The following SPEG variants were observed in gnomAD, a reference collection of about 807,000 sequenced individuals.
SPEG encodes striated muscle preferentially expressed protein kinase.
Under a neutral mutation model 300.4 loss-of-function variants are expected in SPEG, and 114 were observed. That is an observed-to-expected ratio of 0.38 (90% confidence interval 0.33 to 0.44). SPEG has a LOEUF of 0.44. Among genes scored for constraint, SPEG ranks in the 20% least tolerant of loss-of-function variants. The probability of loss-of-function intolerance (pLI) is 1.00; values close to 1 mark genes in which losing one functional copy is unlikely to be tolerated. For synonymous variants in SPEG, 1,964 were observed against 2,018.9 expected (o/e 0.97, Z 0.73); for missense variants, 4,201 against 4,586.2 (o/e 0.92, Z 2.43).
Position 219,485,049 on chromosome 2 carries a change from C to A in SPEG, c.7586C>A (p.Ala2529Asp), listed in dbSNP as rs1263144862. 12 of 1,532,408 alleles carry A rather than the reference C, an allele frequency of 7.8e-6. 1 individual carries two copies. The Admixed American group carries it at 2.2e-4, about 28-fold the overall frequency. The allele number at this position is 1,532,408 out of a possible 1,614,324, so 94.9% of individuals were successfully genotyped here. A position where few individuals can be genotyped will look rare whatever the true frequency, so the allele number is the denominator to read the frequency against. The change falls in exon 30 of 41, where the codon GCC (alanine) becomes GAC (aspartate). Residue 2529 changes from alanine (A) to aspartate (D), a missense_variant. Ala to Asp is a moderately radical substitution (Grantham distance 126). Transcript: ENST00000312358. The stretch of plus-strand genomic sequence containing the variant: ...TCCGCCGAGTCCCTGGGCTCCGAGG[C>A]CAGCGCCACGTCGGGCTCCTCAGGT... ...TPSAESLGSE[A>D]SATSGSSAPG...
At chr2:219,442,106 G>A (rs886771099) in intron 1 of SPEG, 32 of 1,187,422 alleles carry the variant, frequency 2.7e-5, no homozygotes, top group Non-Finnish European at 3.2e-5. Context: ...GGGGCGGGCG[G>A]CGCCGGGAGG....
At chr2:219,478,858 G>A (rs899560466) in intron 22 of SPEG, among the ~76,000 whole-genome samples, 9 of 152,316 alleles carry the variant, frequency 5.9e-5, no homozygotes, top group Non-Finnish European at 1.0e-4. Context: ...GAAAGGAAAT[G>A]TTATTCCCAT....
In SPEG at chr2:219,484,961, A is replaced by G. The variant is rs773696931; in HGVS notation, c.7498A>G (p.Ser2500Gly). The change falls in exon 30 of 41, where the codon AGT (serine) becomes GGT (glycine). Residue 2500 changes from serine to glycine, a missense_variant. Ser to Gly is a moderately conservative substitution (Grantham distance 56). Transcript: ENST00000312358. ...RLRRATSEGESLRRLGLPHNQ... is the reference protein window; with the variant it reads ...RLRRATSEGEGLRRLGLPHNQ... The stretch of plus-strand genomic sequence containing the variant: ...TCGCAGGGCCACGTCCGAGGGCGAG[A>G]GTCTGCGGCGCCTTGGCCTTCCGCA... 8 of 1,529,358 alleles carry G rather than the reference A, an allele frequency of 5.2e-6. No individual in the cohort carries two copies. The African/African-American group carries it at 9.7e-5, about 18-fold the overall frequency. The allele number at this position is 1,529,358 out of a possible 1,614,324, so 94.7% of individuals were successfully genotyped here.
chr2:219,460,252 T>C, intron 6 of SPEG: 16 of 961,792 alleles, frequency 1.7e-5, no homozygotes, highest in Non-Finnish European at 1.9e-5. Context: ...CTCAGATTCT[T>C]CCCCCACCTC....
intron 18 of SPEG, among the ~76,000 whole-genome samples, chr2:219,474,722 C>T (rs1692188465): frequency 6.6e-6 from 1 of 152,098 alleles, no homozygotes; most frequent in Non-Finnish European, 1.5e-5. Context: ...AACTGCCAGC[C>T]CTGAGAATCC....
chr2:219,461,065 G>A, intron 6 of SPEG: 1 of 941,168 alleles, frequency 1.1e-6, no homozygotes, highest in Non-Finnish European at 1.3e-6. Flanking sequence ...AGGGGGCTGT[G>A]GCAGTTTCAT....
chr2:219,443,698 C>T lies in SPEG; in HGVS notation c.389-955C>T, dbSNP rs181344833. On this transcript the variant is annotated intron_variant, in intron 1 of 40. Coordinates refer to ENST00000312358, the MANE Select transcript of SPEG (RefSeq NM_005876.5). The surrounding 1 kb of genome is among the most constrained non-coding windows in gnomAD (Gnocchi z 4.6). ...ATATTGTAATAGAGGGTGGGCCTGA[C>T]TCCTAATGGGAGGCCCAGGTCTGCG... The T allele has an allele frequency of 3.3e-5, 11 of 336,288 alleles. No individual in the cohort carries two copies. In the Admixed American group the frequency reaches 4.4e-4, roughly 13 times the overall value. The allele number at this position is 336,288 out of a possible 1,614,324, so 20.8% of individuals were successfully genotyped here.
Position 219,481,711 on chromosome 2 carries a change from A to C in SPEG, c.5565+31A>C. On this transcript the variant is annotated intron_variant, in intron 28 of 40. Coordinates refer to ENST00000312358, the MANE Select transcript of SPEG (RefSeq NM_005876.5). The surrounding 1 kb of genome is among the most constrained non-coding windows in gnomAD (Gnocchi z 5.4). ...TCTAGTCTGCAAAGTGGTGGCACAA[A>C]AGGTGGAGGGAGAGAGAATGTTACT... The C allele has an allele frequency of 6.2e-7, 1 of 1,606,962 alleles. No homozygotes were observed. Among genetic ancestry groups the C allele is most frequent in the Non-Finnish European group, 8.5e-7 (1 of 1,173,496 alleles).
intron 6 of SPEG, chr2:219,461,545 C>A: frequency 8.4e-7 from 1 of 1,184,740 alleles, no homozygotes; most frequent in Non-Finnish European, 1.0e-6. Flanking sequence ...TAGTCCATGT[C>A]AGGAATGTGG....
At chr2:219,441,654 G>A in intron 1 of SPEG, 1 of 459,278 alleles carries the variant, frequency 2.2e-6, no homozygotes, top group Admixed American at 2.4e-5. Context: ...AGAGGCCATT[G>A]CACCCCTTTC....
chr2:219,478,274 G>C (rs1350143740), intron 22 of SPEG, among the ~76,000 whole-genome samples, 169 bp downstream of exon 22: 1 of 152,210 alleles, frequency 6.6e-6, no homozygotes, highest in Non-Finnish European at 1.5e-5. Flanking sequence ...CCCATTGTTA[G>C]CTTAAATTTT....
At position 219,489,549 on chromosome 2, in the gene SPEG, C is replaced by T. The variant is rs1279012412; in HGVS notation, c.8531C>T (p.Thr2844Ile). Reference protein sequence around the residue: ...SLKAVGPPPQTPPRRHRGLQA... With the variant: ...SLKAVGPPPQIPPRRHRGLQA... Reference sequence around the variant, plus strand: ...AAGGCTGTGGGTCCACCACCCCAAACCCCTCCACGAAGACACAGGGGCCTG... The same window carrying T: ...AAGGCTGTGGGTCCACCACCCCAAATCCCTCCACGAAGACACAGGGGCCTG... The change falls in exon 36 of 41, where the codon ACC (threonine) becomes ATC (isoleucine). Residue 2844 changes from threonine (T) to isoleucine (I), a missense_variant. Thr to Ile is a moderately conservative substitution (Grantham distance 89). Around this residue, in one of 4 missense-constraint regions of SPEG, gnomAD observed 1,578 missense variants for 1,506.0 expected, o/e 1.05. Coordinates refer to ENST00000312358, the MANE Select transcript of SPEG (RefSeq NM_005876.5). 1.2e-6 allele frequency: 2 copies of T among 1,613,228 alleles called. No homozygotes were observed. Among genetic ancestry groups the T allele is most frequent in the Non-Finnish European group, 1.7e-6 (2 of 1,179,882 alleles).
At chr2:219,488,442 G>T in intron 32 of SPEG, 56 bp from the exon 33 acceptor site, 1 of 1,525,100 alleles carries the variant, frequency 6.6e-7, no homozygotes, top group Non-Finnish European at 8.9e-7. Flanking sequence ...TGAGTGAGGG[G>T]GCCTGGACAT....
In SPEG at chr2:219,488,108, T is replaced by C. The variant is rs1017385887; in HGVS notation, c.7742-86T>C. On this transcript the variant is annotated intron_variant, in intron 31 of 40. Transcript: ENST00000312358. ...AAGTTTCATGCTGCTTCCTGATGGCTGTTTGCAGGCCTTCTCCACCCCTCC... is the reference window on the plus strand; with the variant it reads ...AAGTTTCATGCTGCTTCCTGATGGCCGTTTGCAGGCCTTCTCCACCCCTCC... 31 of 809,742 alleles carry C rather than the reference T, an allele frequency of 3.8e-5. No individual in the cohort carries two copies. The Admixed American group carries it at 7.3e-4, about 19-fold the overall frequency. 50.2% of individuals were successfully genotyped at this position (809,742 alleles called of 1,614,324 possible).
Position 219,464,679 on chromosome 2 carries a change from C to A in SPEG, c.2881+71C>A, listed in dbSNP as rs1253941442. ...TTCCTTCCCCCACTGTCTGCTCTCA[C>A]ACAGCCTCAGTTAGAGGATGCCACC... On this transcript the variant is annotated intron_variant, in intron 9 of 40. Coordinates refer to ENST00000312358, the MANE Select transcript of SPEG (RefSeq NM_005876.5). This position sits in a 1 kb window ranked among gnomAD's most constrained non-coding sequence, Gnocchi z 4.5. 1.3e-6 allele frequency: 2 copies of A among 1,496,070 alleles called. No individual in the cohort carries two copies. Among genetic ancestry groups the A allele is most frequent in the Admixed American group, 1.7e-5 (1 of 58,058 alleles). 92.7% of individuals were successfully genotyped at this position (1,496,070 alleles called of 1,614,324 possible). A position where few individuals can be genotyped will look rare whatever the true frequency, so the allele number is the denominator to read the frequency against.
chr2:219,492,246 C>T lies in SPEG; in HGVS notation c.9597C>T (p.Leu3199=), dbSNP rs953843551. Residue 3199 remains leucine (L), a synonymous_variant, in exon 40 of 41, where the codon CTC becomes CTT. Transcript: ENST00000312358. ...QSATLFLRKV[L]SVHPWSRPSL... Reference sequence around the variant, plus strand: ...CCACCCTCTTCTTGCGAAAGGTTCTCTCTGTACATCCCTGGTGAGTGAGCC... The same window carrying T: ...CCACCCTCTTCTTGCGAAAGGTTCTTTCTGTACATCCCTGGTGAGTGAGCC... 2.5e-6 allele frequency: 4 copies of T among 1,613,332 alleles called. No homozygotes were observed. In the Admixed American group the frequency reaches 6.7e-5, roughly 27 times the overall value.
rs746292297 is a variant in SPEG at position 219,492,786 on chromosome 2, G to A, written c.9804G>A (p.Ter3268=). ...TGCGCTCCTACCCTGGCGGCCCCTA[G>A]AGGCACGGACCACAGCCAGGCCTCG... ...VLLRSYPGGP[*] is the part of the protein sequence containing the mutation. The change falls in exon 41 of 41, where the codon TAG becomes TAA. Residue 3268 remains the stop codon, a stop_retained_variant. Coordinates refer to ENST00000312358, the MANE Select transcript of SPEG (RefSeq NM_005876.5). 3.2e-5 allele frequency: 51 copies of A among 1,584,974 alleles called. No homozygotes were observed. The highest frequency in any genetic ancestry group is 4.2e-5 in the Non-Finnish European group (49 of 1,171,652).
chr2:219,485,062 G>A lies in SPEG; in HGVS notation c.7599G>A (p.Ser2533=). ...TGGGCTCCGAGGCCAGCGCCACGTC[G>A]GGCTCCTCAGGTGAGGAGGGGCAGG... is the stretch of plus-strand genomic sequence containing the variant. The part of the protein sequence containing the change: ...ESLGSEASAT[S]GSSAPGESRS... The change falls in exon 30 of 41, where the codon TCG becomes TCA. Residue 2533 remains serine, a synonymous_variant. Coordinates refer to ENST00000312358, the MANE Select transcript of SPEG (RefSeq NM_005876.5). 1.3e-6 allele frequency: 2 copies of A among 1,532,440 alleles called. No individual in the cohort carries two copies. Among genetic ancestry groups the A allele is most frequent in the Non-Finnish European group, 1.7e-6 (2 of 1,145,986 alleles). The allele number at this position is 1,532,440 out of a possible 1,614,324, so 94.9% of individuals were successfully genotyped here. A position where few individuals can be genotyped will look rare whatever the true frequency, so the allele number is the denominator to read the frequency against.
chr2:219,442,713 C>G (rs1429704117), intron 1 of SPEG, among the ~76,000 whole-genome samples: 12 of 151,464 alleles, frequency 7.9e-5, no homozygotes, highest in East Asian at 2.0e-4. Context: ...ACCCCGCCCC[C>G]CGCATCCCCA....
Sources: gnomAD v4.1 joint callset for allele counts (sites outside exome capture counted in the v4.1 genomes callset) on GRCh38, gnomAD v4.1.1 for gene constraint, gnomAD v4.1.1 regional missense constraint, Gnocchi (gnomAD v3.1) non-coding constraint, MANE v1.5 for transcripts, NCBI Gene and HGNC (gene_info 2026-07-23, HGNC 2026-07-21) for gene names.